Variants in TMED3 observed in about 807,000 individuals in gnomAD.
TMED3 encodes the protein transmembrane emp24 domain-containing protein 3.
Under a neutral mutation model 15.0 loss-of-function variants are expected in TMED3, and 9 were observed. That is an observed-to-expected ratio of 0.60 (90% CI 0.36 to 1.04). The LOEUF (loss-of-function observed/expected upper bound fraction) is 1.04. TMED3 is among the 50% of genes least tolerant of loss of function. The pLI, the probability that TMED3 is intolerant of heterozygous loss-of-function variation, is 0.01. For missense variants in TMED3, 267 were observed against 278.9 expected, an observed-to-expected ratio of 0.96 and a Z score of 0.30; for synonymous variants, 117 against 121.4, an observed-to-expected ratio of 0.96 and a Z score of 0.24.
At chr15:79,353,112 T>A (rs1230962638) in intron 2 of TMED3, among the ~76,000 whole-genome samples, 46 of 83,110 alleles carry the variant, frequency 5.5e-4, no homozygotes, top group East Asian at 6.9e-4. Context: ...AAATATAAAA[T>A]ATATATATAA....
intron 2 of TMED3, chr15:79,314,402 C>G (rs1011513113): frequency 2.1e-5 from 8 of 385,294 alleles, no homozygotes; most frequent in African/African-American, 1.5e-4. Flanking sequence ...ACAAAATAAA[C>G]ACCAAACATC....
At chr15:79,382,882 ATTG>A in intron 2 of TMED3, 1 of 1,306,712 alleles carries the variant, frequency 7.7e-7, no homozygotes, top group South Asian at 1.3e-5. Context: ...ATCTCATACT[ATTG>A]TTCTTACCAA....
chr15:79,381,263 A>G (rs773415075), intron 2 of TMED3, among the ~76,000 whole-genome samples: 11 of 152,174 alleles, frequency 7.2e-5, no homozygotes, highest in Non-Finnish European at 2.9e-5. Flanking sequence ...AACCCAGTTA[A>G]GTCTGTAACC....
intron 2 of TMED3, among the ~76,000 whole-genome samples, chr15:79,378,227 C>CAG (rs951605821): frequency 6.6e-6 from 1 of 152,156 alleles, no homozygotes; most frequent in African/African-American, 2.4e-5. Context: ...TTAAAAGCAA[C>CAG]AGAGATGTAT....
chr15:79,380,895 A>G (rs76016278), intron 2 of TMED3, among the ~76,000 whole-genome samples: 69 of 152,266 alleles, frequency 4.5e-4, no homozygotes, highest in Middle Eastern at 6.8e-3. Flanking sequence ...ACAGTATTTT[A>G]AATTGTCCCT....
At chr15:79,408,705 A>G (rs1315474975) in intron 2 of TMED3, among the ~76,000 whole-genome samples, 1 of 152,186 alleles carries the variant, frequency 6.6e-6, no homozygotes, top group African/African-American at 2.4e-5. Context: ...GTGGCTTTGC[A>G]TAAATCACTT....
chr15:79,339,570 TTTGGGGTGG>T (rs2058841999), intron 2 of TMED3, among the ~76,000 whole-genome samples: 1 of 152,134 alleles, frequency 6.6e-6, no homozygotes, highest in African/African-American at 2.4e-5. Context: ...TAGCTCCAAA[TTTGGGGTGG>T]TGTTGGCAGT....
intron 2 of TMED3, among the ~76,000 whole-genome samples, chr15:79,389,530 C>T (rs1893670232): frequency 1.3e-5 from 2 of 152,114 alleles, no homozygotes; most frequent in African/African-American, 2.4e-5. Flanking sequence ...AGTGTGATGC[C>T]TCCAGACTTT....
chr15:79,338,993 G>C (rs188302215), intron 2 of TMED3, among the ~76,000 whole-genome samples: 1 of 152,148 alleles, frequency 6.6e-6, no homozygotes, highest in Non-Finnish European at 1.5e-5. Flanking sequence ...AGGCTCACCC[G>C]CAGTTATCCA....
chr15:79,353,499 A>AAAATTTTATATAGTTTAT (rs2058906325), intron 2 of TMED3, among the ~76,000 whole-genome samples: 1 of 138,676 alleles, frequency 7.2e-6, no homozygotes, highest in Admixed American at 7.8e-5. Flanking sequence ...CTATGGCAAC[A>AAAATTTTATATAGTTTAT]AAATTTTATA....
chr15:79,378,767 A>T (rs1411933206), intron 2 of TMED3, among the ~76,000 whole-genome samples: 1 of 152,188 alleles, frequency 6.6e-6, no homozygotes, highest in African/African-American at 2.4e-5. Context: ...ATCATATTCC[A>T]TTGATTAATT....
At chr15:79,413,824 T>A (rs1018760188) in exon 3 of TMED3, 3 of 152,222 alleles carry the variant, frequency 2.0e-5, no homozygotes, top group Non-Finnish European at 4.4e-5. Flanking sequence ...GCAGGTCTGA[T>A]TTGGTTATAG....
At chr15:79,358,324 C>T (rs1215804074) in intron 2 of TMED3, among the ~76,000 whole-genome samples, 1 of 152,226 alleles carries the variant, frequency 6.6e-6, no homozygotes, top group African/African-American at 2.4e-5. Flanking sequence ...ATCATTTTGC[C>T]ACTTCAAAGC....
chr15:79,396,418 C>T (rs527463275), intron 2 of TMED3, among the ~76,000 whole-genome samples: 204 of 152,310 alleles, frequency 1.3e-3, no homozygotes, highest in South Asian at 2.3e-3. Context: ...AATCTTCATT[C>T]ACCTGTCCAG....
At chr15:79,361,518 G>T (rs891295459) in intron 2 of TMED3, among the ~76,000 whole-genome samples, 10 of 152,062 alleles carry the variant, frequency 6.6e-5, no homozygotes, top group Non-Finnish European at 1.5e-4. Flanking sequence ...CTATGAGGAC[G>T]CAAAGGCATA....
intron 2 of TMED3, among the ~76,000 whole-genome samples, chr15:79,377,308 G>A (rs1238773055): frequency 6.6e-6 from 1 of 151,786 alleles, no homozygotes; most frequent in Non-Finnish European, 1.5e-5. Flanking sequence ...GAGAGAGAGA[G>A]AGAGAGAGAA....
At chr15:79,403,220 CAAAAAAAAAAAAAAA>C (rs71150908) in intron 2 of TMED3, among the ~76,000 whole-genome samples, 8,945 of 65,736 alleles carry the variant, frequency 0.14, 477 homozygotes, top group Middle Eastern at 0.38. Flanking sequence ...GACTCTGTCT[CAAAAAAAAAAAAAAA>C]AAAAAAAAAA....
chr15:79,371,417 T>C (rs531077996), intron 2 of TMED3, among the ~76,000 whole-genome samples: 27 of 152,178 alleles, frequency 1.8e-4, no homozygotes, highest in African/African-American at 5.8e-4. Context: ...CAGGTTCTTA[T>C]TGCCTGCTGC....
chr15:79,371,972 G>A (rs1595903543), intron 2 of TMED3, among the ~76,000 whole-genome samples: 1 of 152,072 alleles, frequency 6.6e-6, no homozygotes, highest in South Asian at 2.1e-4. Flanking sequence ...AACAAGAAGG[G>A]GTATCAGTTT....
Sources: gnomAD v4.1 joint callset for allele counts (sites outside exome capture counted in the v4.1 genomes callset) on GRCh38, gnomAD v4.1.1 for gene constraint, MANE v1.5 for transcripts, NCBI Gene and HGNC (gene_info 2026-07-23, HGNC 2026-07-21) for gene names.